Variants in EPN2 observed in about 807,000 individuals in gnomAD.
EPN2 encodes the protein epsin-2.
A neutral mutation model predicts 61.7 loss-of-function variants in EPN2; 34 were observed. The ratio of observed to expected loss-of-function variants is 0.55; its 90% CI spans 0.42 to 0.73. The LOEUF (loss-of-function observed/expected upper bound fraction) is 0.73, where lower values mean the gene tolerates loss of function less well. Ranked by LOEUF, EPN2 falls within the 30% of genes least tolerant of loss-of-function variation. The probability of loss-of-function intolerance (pLI) is 0.00; values close to 1 mark genes in which losing one functional copy is unlikely to be tolerated. For synonymous variants in EPN2, 349 were observed against 353.6 expected, an observed-to-expected ratio of 0.99 and a Z score of 0.15; for missense variants, 714 against 839.2, an observed-to-expected ratio of 0.85 and a Z score of 1.84.
intron 4 of EPN2, among the ~76,000 whole-genome samples, chr17:19,293,475 A>T (rs1280622030): frequency 6.9e-6 from 1 of 144,452 alleles, no homozygotes; most frequent in Non-Finnish European, 1.5e-5. Flanking sequence ...GGCTCAAGTG[A>T]TGCTCTCACC....
At chr17:19,274,764 C>G (rs1245418471) in intron 1 of EPN2, among the ~76,000 whole-genome samples, 1 of 152,200 alleles carries the variant, frequency 6.6e-6, no homozygotes, top group Admixed American at 6.5e-5. Flanking sequence ...TGATGGGGAA[C>G]TCTAGATTTG....
chr17:19,295,370 G>A lies in EPN2; in HGVS notation c.766+9580G>A, dbSNP rs201044392. Among the ~76,000 whole-genome samples the A allele has an allele frequency of 4.5e-3, 582 of 129,954 alleles. 1 individual carries two copies. Among genetic ancestry groups the A allele is most frequent in the East Asian group, 7.6e-3 (29 of 3,800 alleles). The allele number at this position is 129,954 out of a possible 152,430, so 85.3% of individuals were successfully genotyped here. ...CACACACACACACACACACACACGC[G>A]CGTGCGCGCAAAATAGCCAGGTGTA... On this transcript the variant is annotated intron_variant, in intron 4 of 10. Coordinates refer to ENST00000314728, the MANE Select transcript of EPN2 (RefSeq NM_014964.5).
At chr17:19,274,353 A>G (rs1260190169) in intron 1 of EPN2, 1 of 152,242 alleles carries the variant, frequency 6.6e-6, no homozygotes, top group Non-Finnish European at 1.5e-5. Flanking sequence ...ATTCTCTGTC[A>G]TCTGCTTTTA....
intron 1 of EPN2, among the ~76,000 whole-genome samples, chr17:19,242,750 G>A (rs2044899275): frequency 6.6e-6 from 1 of 152,230 alleles, no homozygotes; most frequent in East Asian, 1.9e-4. Context: ...TGGTAACCCT[G>A]CTGATATATA....
chr17:19,307,424 C>T (rs1013708941), intron 4 of EPN2, among the ~76,000 whole-genome samples: 2 of 152,138 alleles, frequency 1.3e-5, no homozygotes, highest in African/African-American at 4.8e-5. Flanking sequence ...CATTTTCCTA[C>T]CTCAGCCTCC....
chr17:19,261,622 C>T (rs753043646), intron 1 of EPN2, among the ~76,000 whole-genome samples: 18 of 152,158 alleles, frequency 1.2e-4, no homozygotes, highest in Non-Finnish European at 2.5e-4. Flanking sequence ...AGAACCACAC[C>T]TTTGGCTTCC....
intron 1 of EPN2, among the ~76,000 whole-genome samples, chr17:19,244,457 CAA>C (rs1210669874): frequency 1.3e-4 from 12 of 95,574 alleles, no homozygotes; most frequent in African/African-American, 7.6e-5. Flanking sequence ...TGACTCTTCT[CAA>C]AAAAAAAAAA....
intron 1 of EPN2, among the ~76,000 whole-genome samples, chr17:19,262,962 C>T (rs1293152764): frequency 1.3e-5 from 2 of 152,210 alleles, no homozygotes; most frequent in African/African-American, 4.8e-5. Flanking sequence ...GTGGATAGAT[C>T]ACATGTTGTT....
chr17:19,280,336 T>G (rs1389822651), intron 1 of EPN2, among the ~76,000 whole-genome samples: 1 of 152,244 alleles, frequency 6.6e-6, no homozygotes, highest in Non-Finnish European at 1.5e-5. Context: ...CTGGGAAATA[T>G]TCATTAAAAA....
intron 4 of EPN2, among the ~76,000 whole-genome samples, chr17:19,304,723 A>G (rs1176001807): frequency 2.0e-5 from 3 of 152,234 alleles, no homozygotes; most frequent in Admixed American, 1.3e-4. Context: ...ATGTGGGAGC[A>G]GAAGCTCAAA....
rs1477312372 is a variant in EPN2 at position 19,285,339 on chromosome 17, C to T, written c.596-281C>T. ...GGATGCAGGAGCCTGGTTTGATCCA[C>T]CCCTCCTCCTCATACCGAGTCCAGG... On this transcript the variant is annotated intron_variant, in intron 3 of 10. Transcript: ENST00000314728. This position sits in a 1 kb window ranked among gnomAD's most constrained non-coding sequence, Gnocchi z 4.5. Among the ~76,000 whole-genome samples, 1 of 152,242 alleles carries T rather than the reference C, an allele frequency of 6.6e-6. No homozygotes were observed.
chr17:19,297,290 A>T (rs1402491885), intron 4 of EPN2: 2 of 152,276 alleles, frequency 1.3e-5, no homozygotes, highest in Non-Finnish European at 2.9e-5. Context: ...ACTGAAGGCC[A>T]GGGCAAGACC....
intron 7 of EPN2, among the ~76,000 whole-genome samples, chr17:19,315,774 C>T (rs1015829582): frequency 2.0e-5 from 3 of 152,322 alleles, no homozygotes; most frequent in South Asian, 2.1e-4. Context: ...CATGAGGCAC[C>T]GCTCCTGGCC....
rs28430789 is a variant in EPN2, at chr17:19,280,235, G to T, written c.-293-1720G>T. On this transcript the variant is annotated intron_variant, in intron 1 of 10. Transcript: ENST00000314728. ...CATCAAATGGAACAACAAATTGAAGGGCCTGGTGGTCCCTGGCACATTGTA... is the reference window on the plus strand; with the variant it reads ...CATCAAATGGAACAACAAATTGAAGTGCCTGGTGGTCCCTGGCACATTGTA... Among the ~76,000 whole-genome samples, 558 of 152,198 alleles carry T rather than the reference G, an allele frequency of 3.7e-3. 5 individuals carry two copies. Among genetic ancestry groups the T allele is most frequent in the African/African-American group, 0.013 (523 of 41,512 alleles).
At chr17:19,312,183 C>T in intron 6 of EPN2, 39 bp downstream of exon 6, 1 of 1,468,722 alleles carries the variant, frequency 6.8e-7, no homozygotes, top group Non-Finnish European at 9.5e-7. Flanking sequence ...TCACCCTGTC[C>T]TGTAGTTGTT....
chr17:19,317,073 A>G (rs1906418627), intron 7 of EPN2, among the ~76,000 whole-genome samples: 1 of 152,252 alleles, frequency 6.6e-6, no homozygotes, highest in Non-Finnish European at 1.5e-5. Context: ...CCTGAGACTC[A>G]TTCATAAATT....
intron 4 of EPN2, among the ~76,000 whole-genome samples, chr17:19,289,946 C>G (rs2045446731): frequency 6.6e-6 from 1 of 151,860 alleles, no homozygotes; most frequent in African/African-American, 2.4e-5. Context: ...GTCTTGAACC[C>G]CTGACCTCAA....
intron 1 of EPN2, among the ~76,000 whole-genome samples, chr17:19,281,074 C>G (rs1363860608): frequency 6.6e-6 from 1 of 152,196 alleles, no homozygotes; most frequent in Non-Finnish European, 1.5e-5. Context: ...CATGCCATAC[C>G]TCAGTGCCAC....
chr17:19,273,929 A>C (rs2045281120), intron 1 of EPN2: 2 of 152,184 alleles, frequency 1.3e-5, no homozygotes, highest in African/African-American at 4.8e-5. Flanking sequence ...AGCACTGTCC[A>C]TATTGTCCTA....
Sources: gnomAD v4.1 joint callset for allele counts (sites outside exome capture counted in the v4.1 genomes callset) on GRCh38, gnomAD v4.1.1 for gene constraint, Gnocchi (gnomAD v3.1) non-coding constraint, MANE v1.5 for transcripts, NCBI Gene and HGNC (gene_info 2026-07-23, HGNC 2026-07-21) for gene names.